ADAMTSL1: variants seen among roughly 807,000 people sequenced by gnomAD.
The protein encoded by ADAMTSL1 is ADAMTS-like protein 1.
Under a neutral mutation model 201.8 loss-of-function variants are expected in ADAMTSL1, and 126 were observed. That is an observed-to-expected ratio of 0.62 (90% confidence interval 0.54 to 0.72). The LOEUF is 0.72. Among genes scored for constraint, ADAMTSL1 ranks in the 30% least tolerant of loss-of-function variants. ADAMTSL1 has a pLI of 0.00. For synonymous variants in ADAMTSL1, 1,121 were observed against 903.4 expected (o/e 1.24, Z -4.32); for missense variants, 2,679 against 2,277.8 (o/e 1.18, Z -3.59).
intron 2 of ADAMTSL1, among the ~76,000 whole-genome samples, chr9:18,522,136 C>G (rs1818734808): frequency 6.6e-6 from 1 of 152,040 alleles, no homozygotes; most frequent in South Asian, 2.1e-4. Flanking sequence ...GTGCTAGGGA[C>G]TACTAGAGGG....
chr9:17,986,994 T>G (rs1232513770), intron 1 of ADAMTSL1, among the ~76,000 whole-genome samples: 1 of 152,122 alleles, frequency 6.6e-6, no homozygotes, highest in Non-Finnish European at 1.5e-5. Flanking sequence ...AATCCTGAAA[T>G]TAAGTACAGA....
intron 3 of ADAMTSL1, among the ~76,000 whole-genome samples, chr9:18,552,450 AT>A (rs763433574): frequency 1.3e-5 from 2 of 151,624 alleles, no homozygotes; most frequent in Non-Finnish European, 1.5e-5. Flanking sequence ...TTTTTATTCC[AT>A]TTCTTTGGAA....
rs1285898179 is a variant in ADAMTSL1, at chr9:18,909,269, A to G, written c.*721A>G. 6.5e-6 allele frequency: 1 copy of G among 152,962 alleles called. No individual in the cohort carries two copies. Among genetic ancestry groups the G allele is most frequent in the Non-Finnish European group, 1.5e-5 (1 of 68,652 alleles). The allele number at this position is 152,962 out of a possible 1,614,324, so 9.5% of individuals were successfully genotyped here. A position where few individuals can be genotyped will look rare whatever the true frequency, so the allele number is the denominator to read the frequency against. ...TGTTCCCCAGTGGGGCAGGGTGAGC[A>G]GGGGCTTCCAGGCTGCATGAGGCTC... is the stretch of plus-strand genomic sequence containing the variant. On this transcript the variant is annotated 3_prime_UTR_variant, in exon 29 of 29. Coordinates refer to ENST00000380548, the MANE Select transcript of ADAMTSL1 (RefSeq NM_001040272.6).
At chr9:18,227,570 A>C (rs78696041) in intron 2 of ADAMTSL1, among the ~76,000 whole-genome samples, 11 of 152,168 alleles carry the variant, frequency 7.2e-5, no homozygotes, top group Admixed American at 6.6e-5. Context: ...GCCCCACTCT[A>C]TGCAAGATGG....
At chr9:18,351,450 T>G (rs996346265) in intron 2 of ADAMTSL1, among the ~76,000 whole-genome samples, 1 of 151,978 alleles carries the variant, frequency 6.6e-6, no homozygotes, top group Non-Finnish European at 1.5e-5. Context: ...CTTTTTTTTT[T>G]AATCTTTGGT....
At chr9:18,163,314 G>A (rs1252037680) in intron 1 of ADAMTSL1, among the ~76,000 whole-genome samples, 2 of 152,026 alleles carry the variant, frequency 1.3e-5, no homozygotes, top group Non-Finnish European at 2.9e-5. Context: ...AACCTGGAAT[G>A]TGATAAGCTC....
At chr9:18,288,047 G>A (rs912571515) in intron 2 of ADAMTSL1, among the ~76,000 whole-genome samples, 11 of 152,266 alleles carry the variant, frequency 7.2e-5, no homozygotes, top group Middle Eastern at 6.8e-3. Flanking sequence ...GAGCCTGAGC[G>A]GTGGCACTGG....
At chr9:18,706,581 T>G in intron 13 of ADAMTSL1, 166 bp from the exon 14 acceptor site, 2 of 660,484 alleles carry the variant, frequency 3.0e-6, no homozygotes, top group Non-Finnish European at 5.1e-6. Flanking sequence ...GCAAAATCGC[T>G]TATGAACTAA....
intron 2 of ADAMTSL1, among the ~76,000 whole-genome samples, chr9:18,308,242 G>A (rs1157829367): frequency 1.3e-5 from 2 of 152,062 alleles, no homozygotes; most frequent in African/African-American, 2.4e-5. Flanking sequence ...GAGAGAGGGG[G>A]AAAGATCTAA....
At chr9:18,623,141 C>T (rs868065385) in intron 5 of ADAMTSL1, among the ~76,000 whole-genome samples, 2 of 152,152 alleles carry the variant, frequency 1.3e-5, no homozygotes, top group African/African-American at 2.4e-5. Context: ...AGTGATCCAC[C>T]CGCCTCAGCC....
chr9:18,720,353 G>A (rs1228619905), intron 14 of ADAMTSL1, among the ~76,000 whole-genome samples: 1 of 152,208 alleles, frequency 6.6e-6, no homozygotes, highest in Non-Finnish European at 1.5e-5. Context: ...TGCAGTTGTT[G>A]AGAGGACTGA....
rs573980568 is a variant in ADAMTSL1, at chr9:18,503,421, G to A, written c.64-1408G>A. Among the ~76,000 whole-genome samples the A allele has an allele frequency of 3.0e-3, 346 of 115,138 alleles. 5 individuals are homozygous for A. The highest frequency in any genetic ancestry group is 1.0e-2 in the African/African-American group (323 of 32,452). The allele number at this position is 115,138 out of a possible 152,430, so 75.5% of individuals were successfully genotyped here. Reference sequence around the variant, plus strand: ...TTAAGGCTGAATAGTATTCCATTGTGTATATATATATATATATATACCACA... The same window carrying A: ...TTAAGGCTGAATAGTATTCCATTGTATATATATATATATATATATACCACA... On this transcript the variant is annotated intron_variant, in intron 1 of 28. Transcript: ENST00000380548.
intron 16 of ADAMTSL1, among the ~76,000 whole-genome samples, chr9:18,763,174 T>C (rs1820170752): frequency 6.6e-6 from 1 of 152,234 alleles, no homozygotes. Context: ...CATTTATTAT[T>C]GCCTGTCTTT....
intron 2 of ADAMTSL1, among the ~76,000 whole-genome samples, chr9:18,177,092 C>T (rs776879874): frequency 6.6e-6 from 1 of 152,262 alleles, no homozygotes; most frequent in Non-Finnish European, 1.5e-5. Context: ...AGATGGCTTC[C>T]TGACTCCATT....
chr9:18,419,720 C>A (rs904205105), intron 2 of ADAMTSL1, among the ~76,000 whole-genome samples: 6 of 148,776 alleles, frequency 4.0e-5, no homozygotes, highest in Non-Finnish European at 8.9e-5. Context: ...TGTATAATCT[C>A]ATTTATTTGA....
At chr9:18,100,376 G>C (rs1243687456) in intron 1 of ADAMTSL1, among the ~76,000 whole-genome samples, 1 of 152,070 alleles carries the variant, frequency 6.6e-6, no homozygotes. Flanking sequence ...GAACTTCCGG[G>C]CTCAAGCAAT....
intron 1 of ADAMTSL1, among the ~76,000 whole-genome samples, chr9:18,022,044 C>A (rs2131584797): frequency 6.6e-6 from 1 of 152,162 alleles, no homozygotes; most frequent in South Asian, 2.1e-4. Context: ...TTCTACACAG[C>A]CTCTAACATT....
At chr9:18,089,131 G>T (rs1325952981) in intron 1 of ADAMTSL1, among the ~76,000 whole-genome samples, 1 of 152,102 alleles carries the variant, frequency 6.6e-6, no homozygotes, top group Non-Finnish European at 1.5e-5. Context: ...CAGCCTGGGC[G>T]ACAGGAGCGA....
chr9:18,660,892 A>G (rs1829050384), intron 8 of ADAMTSL1, among the ~76,000 whole-genome samples: 1 of 152,156 alleles, frequency 6.6e-6, no homozygotes, highest in Non-Finnish European at 1.5e-5. Flanking sequence ...TCTGGCTCAT[A>G]AACCTCCTTC....
Sources: allele counts gnomAD v4.1 joint callset (sites outside exome capture counted in the v4.1 genomes callset), GRCh38; gene constraint gnomAD v4.1.1; transcripts MANE v1.5; gene names NCBI Gene and HGNC (gene_info 2026-07-23, HGNC 2026-07-21).